CDH8: variants seen among roughly 807,000 people sequenced by gnomAD.
CDH8 encodes the protein cadherin-8.
A neutral mutation model predicts 68.1 loss-of-function variants in CDH8; 17 were observed. The observed-to-expected ratio is 0.25, with a 90% confidence interval of 0.17 to 0.37. The LOEUF is 0.37. Among genes scored for constraint, CDH8 ranks in the 10% least tolerant of loss-of-function variants. CDH8 has a pLI of 1.00. For synonymous variants in CDH8, 372 were observed against 365.1 expected, an observed-to-expected ratio of 1.02 and a Z score of -0.21; for missense variants, 763 against 999.3, an observed-to-expected ratio of 0.76 and a Z score of 3.19.
chr16:62,017,073 C>T lies in CDH8; in HGVS notation c.252+4079G>A, dbSNP rs530449859. On this transcript the variant is annotated intron_variant, in intron 2 of 11. Coordinates refer to ENST00000577390, the MANE Select transcript of CDH8 (RefSeq NM_001796.5). ...GAAAAATGCCACTGAGCTTATATGA[C>T]TATTATACATTCTTCCATTATGTAG... Among the ~76,000 whole-genome samples, 12 of 152,238 alleles carry T rather than the reference C, an allele frequency of 7.9e-5. 1 individual carries two copies. The South Asian group carries it at 2.5e-3, about 32-fold the overall frequency.
chr16:61,975,592 TA>T (rs201277371), intron 2 of CDH8, among the ~76,000 whole-genome samples: 4 of 152,280 alleles, frequency 2.6e-5, no homozygotes, highest in South Asian at 2.1e-4. Context: ...AATAGTTTGA[TA>T]AAAAAATCTA....
intron 2 of CDH8, among the ~76,000 whole-genome samples, chr16:61,990,952 GAAAA>G (rs1346338490): frequency 2.7e-5 from 4 of 150,270 alleles, no homozygotes; most frequent in Admixed American, 1.3e-4. Context: ...CAGAGAGAGA[GAAAA>G]AAGAAAGAAA....
chr16:61,897,735 A>T (rs1466270507), intron 3 of CDH8, among the ~76,000 whole-genome samples: 1 of 152,202 alleles, frequency 6.6e-6, no homozygotes. Flanking sequence ...CATCAAAACC[A>T]TCTTACTCTA....
intron 2 of CDH8, among the ~76,000 whole-genome samples, chr16:61,981,816 A>G (rs1245574662): frequency 6.6e-6 from 1 of 152,202 alleles, no homozygotes; most frequent in African/African-American, 2.4e-5. Context: ...TTATACAATA[A>G]TTTGCAACCA....
chr16:61,649,622 T>C lies in CDH8; in HGVS notation c.*3986A>G, dbSNP rs947853447. ...GTGATGGGATTTTTTTGAAATCTTA[T>C]TACTGGTTACACTGCCCTGATCTCA... is the stretch of plus-strand genomic sequence containing the variant. On this transcript the variant is annotated 3_prime_UTR_variant, in exon 12 of 12. Coordinates refer to ENST00000577390, the MANE Select transcript of CDH8 (RefSeq NM_001796.5). The C allele has an allele frequency of 6.6e-6, 1 of 151,946 alleles. No homozygotes were observed. Among genetic ancestry groups the C allele is most frequent in the Non-Finnish European group, 1.5e-5 (1 of 67,994 alleles). 9.4% of individuals were successfully genotyped at this position (151,946 alleles called of 1,614,324 possible).
chr16:61,802,039 G>C (rs1961656343), intron 7 of CDH8, among the ~76,000 whole-genome samples: 1 of 144,480 alleles, frequency 6.9e-6, no homozygotes, highest in Non-Finnish European at 1.5e-5. Context: ...AGAGACAGCA[G>C]AAACCTCTGC....
At chr16:61,938,496 C>T (rs1409150197) in intron 2 of CDH8, among the ~76,000 whole-genome samples, 3 of 152,144 alleles carry the variant, frequency 2.0e-5, no homozygotes, top group African/African-American at 7.2e-5. Context: ...GGCCCTACGC[C>T]TTGTCCACAT....
intron 2 of CDH8, among the ~76,000 whole-genome samples, chr16:62,004,311 G>T (rs145152404): frequency 1.5e-4 from 23 of 152,256 alleles, no homozygotes; most frequent in African/African-American, 5.5e-4. Context: ...AATGATACAA[G>T]CTGAGTATGG....
chr16:61,881,401 AAG>A (rs1221837868), intron 3 of CDH8, among the ~76,000 whole-genome samples: 1 of 152,122 alleles, frequency 6.6e-6, no homozygotes, highest in Non-Finnish European at 1.5e-5. Context: ...ATAATAATGA[AAG>A]AGAGGGTAGG....
At chr16:61,666,783 T>A (rs1206961973) in intron 10 of CDH8, among the ~76,000 whole-genome samples, 1 of 151,982 alleles carries the variant, frequency 6.6e-6, no homozygotes, top group Non-Finnish European at 1.5e-5. Flanking sequence ...GAGATTTAAT[T>A]AAGTTCTTAT....
At chr16:61,814,453 T>C (rs1362006705) in intron 7 of CDH8, among the ~76,000 whole-genome samples, 3 of 152,130 alleles carry the variant, frequency 2.0e-5, no homozygotes, top group Admixed American at 1.3e-4. Flanking sequence ...TAGTAGTAGG[T>C]ATAAGAAGTC....
chr16:62,015,613 C>T (rs1471551996), intron 2 of CDH8, among the ~76,000 whole-genome samples: 1 of 152,122 alleles, frequency 6.6e-6, no homozygotes, highest in African/African-American at 2.4e-5. Flanking sequence ...GACTTTAAGC[C>T]TAGTTCTCTG....
At chr16:61,847,538 T>TTATATATATATATATATA (rs56946081) in intron 4 of CDH8, among the ~76,000 whole-genome samples, 13 of 136,740 alleles carry the variant, frequency 9.5e-5, no homozygotes, top group East Asian at 2.2e-4. Context: ...TCCAATCATT[T>TTATATATATATATATATA]TATATATATA....
Position 61,706,593 on chromosome 16 carries a change from C to T in CDH8, c.1654+7248G>A, listed in dbSNP as rs565688689. Among the ~76,000 whole-genome samples, 4 of 133,772 alleles carry T rather than the reference C, an allele frequency of 3.0e-5. No homozygotes were observed. In the South Asian group the frequency reaches 9.4e-4, roughly 32 times the overall value. The allele number at this position is 133,772 out of a possible 152,430, so 87.8% of individuals were successfully genotyped here. A position where few individuals can be genotyped will look rare whatever the true frequency, so the allele number is the denominator to read the frequency against. On this transcript the variant is annotated intron_variant, in intron 10 of 11. Transcript: ENST00000577390. ...CCGAGATCGCGCCACCGCACTCCAG[C>T]CTGGGCACCAGAGCAAGACTCTGTC... is the stretch of plus-strand genomic sequence containing the variant.
chr16:61,692,307 T>C (rs1567425013), intron 10 of CDH8: 2 of 152,172 alleles, frequency 1.3e-5, no homozygotes, highest in Admixed American at 1.3e-4. Flanking sequence ...ATACTTCTTT[T>C]AGTCACTCTT....
At chr16:61,942,974 C>G (rs1597080503) in intron 2 of CDH8, among the ~76,000 whole-genome samples, 1 of 152,110 alleles carries the variant, frequency 6.6e-6, no homozygotes, top group South Asian at 2.1e-4. Context: ...GTGGGAAGAT[C>G]GCTTGAGTCC....
chr16:61,783,005 C>G (rs1440341431), intron 8 of CDH8, among the ~76,000 whole-genome samples: 2 of 150,416 alleles, frequency 1.3e-5, no homozygotes, highest in African/African-American at 4.9e-5. Flanking sequence ...AACAGAAAAA[C>G]TGGAAACTCT....
intron 4 of CDH8, among the ~76,000 whole-genome samples, chr16:61,844,025 C>T (rs925799951): frequency 2.0e-5 from 3 of 151,718 alleles, no homozygotes; most frequent in South Asian, 2.1e-4. Flanking sequence ...TGGAACCAAC[C>T]GAAATGTCCA....
At chr16:61,822,581 T>G (rs1596997526) in intron 5 of CDH8, among the ~76,000 whole-genome samples, 1 of 151,910 alleles carries the variant, frequency 6.6e-6, no homozygotes, top group Non-Finnish European at 1.5e-5. Context: ...TATTTAACAA[T>G]GGGATAAAAA....
Sources: allele counts gnomAD v4.1 joint callset (sites outside exome capture counted in the v4.1 genomes callset), GRCh38; gene constraint gnomAD v4.1.1; transcripts MANE v1.5; gene names NCBI Gene and HGNC (gene_info 2026-07-23, HGNC 2026-07-21).